The following SNX25 variants were observed in gnomAD, a reference collection of about 807,000 sequenced individuals.
SNX25 encodes the protein sorting nexin-25.
SNX25 carries 62 observed loss-of-function variants against 113.7 expected under a neutral mutation model. The ratio of observed to expected loss-of-function variants is 0.55; its 90% CI spans 0.44 to 0.67. SNX25 has a LOEUF of 0.67. SNX25 is among the 30% of genes least tolerant of loss of function. SNX25 has a pLI of 0.00. For synonymous variants in SNX25, 421 were observed against 436.2 expected (o/e 0.97, Z 0.43); for missense variants, 1,014 against 1,161.0 (o/e 0.87, Z 1.84).
intron 1 of SNX25, among the ~76,000 whole-genome samples, chr4:185,236,452 A>G (rs1347365051): frequency 6.6e-6 from 1 of 152,132 alleles, no homozygotes; most frequent in Non-Finnish European, 1.5e-5. Context: ...AAATCCACCT[A>G]TATATTTTAT....
At chr4:185,268,720 G>A (rs944136399) in intron 5 of SNX25, among the ~76,000 whole-genome samples, 3 of 152,180 alleles carry the variant, frequency 2.0e-5, no homozygotes, top group African/African-American at 7.2e-5. Context: ...TTTCTGATTC[G>A]AATAAAGCAC....
intron 6 of SNX25, among the ~76,000 whole-genome samples, chr4:185,308,518 C>G (rs183780176): frequency 9.8e-4 from 149 of 152,134 alleles, no homozygotes; most frequent in African/African-American, 3.5e-3. Flanking sequence ...GATGCTCACC[C>G]TCTTTCTTTC....
intron 1 of SNX25, among the ~76,000 whole-genome samples, chr4:185,226,526 C>T (rs1355332342): frequency 6.6e-6 from 1 of 152,246 alleles, no homozygotes; most frequent in East Asian, 1.9e-4. Context: ...TTATAGCTCA[C>T]TGTAGCCTTG....
chr4:185,285,551 T>C (rs187946001), intron 5 of SNX25, among the ~76,000 whole-genome samples: 51 of 152,338 alleles, frequency 3.3e-4, no homozygotes, highest in African/African-American at 1.2e-3. Context: ...AATTGCTGTG[T>C]GGAAGCACGT....
chr4:185,306,926 C>A (rs1329813173), intron 6 of SNX25, among the ~76,000 whole-genome samples: 1 of 152,100 alleles, frequency 6.6e-6, no homozygotes, highest in East Asian at 1.9e-4. Flanking sequence ...TTAGTGAGTT[C>A]TTTAGGCAGG....
At chr4:185,373,446 T>C (rs1193680342), downstream of SNX25, among the ~76,000 whole-genome samples, 1 of 152,108 alleles carries the variant, frequency 6.6e-6, no homozygotes, top group Non-Finnish European at 1.5e-5. Context: ...CCACTGATGC[T>C]AAGGGAGAGT....
chr4:185,302,731 G>A (rs893974128), intron 6 of SNX25, among the ~76,000 whole-genome samples: 24 of 152,178 alleles, frequency 1.6e-4, no homozygotes, highest in African/African-American at 5.5e-4. Context: ...TCTGTTGTTC[G>A]AAAGCCATGC....
rs1429844496 is a variant in SNX25 at position 185,341,989 on chromosome 4, A to G, written c.2060A>G (p.Asn687Ser). 1 of 1,601,440 alleles carries G rather than the reference A, an allele frequency of 6.2e-7. No individual in the cohort carries two copies. Among genetic ancestry groups the G allele is most frequent in the Non-Finnish European group, 8.5e-7 (1 of 1,175,816 alleles). ...GTTTTCCCCAAGGTTACAGAAGAGA[A>G]TGGTGAGCAATTGCCATGTTACTTT... ...SITSGEVTEE[N>S]GEQLPCYFVM... The change falls in exon 12 of 19, where the codon AAT (asparagine) becomes AGT (serine). Residue 687 changes from asparagine (N) to serine (S), a missense_variant. Asn to Ser is a conservative substitution (Grantham distance 46, BLOSUM62 1). Transcript: ENST00000652585.
upstream of SNX25, among the ~76,000 whole-genome samples, chr4:185,206,302 G>A (rs1737184778): frequency 6.6e-6 from 1 of 152,144 alleles, no homozygotes; most frequent in Admixed American, 6.5e-5. Flanking sequence ...ACATAAAATG[G>A]AATATTATTC....
chr4:185,364,608 A>G (rs981767561), downstream of SNX25: 1 of 152,228 alleles, frequency 6.6e-6, no homozygotes, highest in African/African-American at 2.4e-5. Context: ...TGAAAGATAA[A>G]TGATTAAAAA....
At chr4:185,254,790 AG>A (rs1218463809) in intron 2 of SNX25, among the ~76,000 whole-genome samples, 2 of 152,228 alleles carry the variant, frequency 1.3e-5, no homozygotes, top group African/African-American at 4.8e-5. Flanking sequence ...TTCTAAAACT[AG>A]ATATACTTGA....
intron 2 of SNX25, among the ~76,000 whole-genome samples, chr4:185,254,027 C>CT (rs562740112): frequency 2.0e-5 from 3 of 152,108 alleles, no homozygotes; most frequent in Non-Finnish European, 2.9e-5. Context: ...ATGTGGTAGT[C>CT]TTTTTTCCAA....
intron 2 of SNX25, among the ~76,000 whole-genome samples, chr4:185,254,881 G>A (rs1468714741): frequency 6.6e-6 from 1 of 151,932 alleles, no homozygotes; most frequent in Non-Finnish European, 1.5e-5. Flanking sequence ...GTGAGGATAA[G>A]TGTTCTTTCA....
intron 1 of SNX25, among the ~76,000 whole-genome samples, chr4:185,212,491 G>GTGTTTTTGTTTT (rs546083196): frequency 1.7e-4 from 18 of 104,942 alleles, no homozygotes; most frequent in South Asian, 3.1e-4. Flanking sequence ...GTGTGTGTGT[G>GTGTTTTTGTTTT]TTTTTTTTTT....
chr4:185,362,492 T>G (rs2095369506), intron 17 of SNX25, 119 bp from the exon 18 acceptor site: 1 of 1,179,148 alleles, frequency 8.5e-7, no homozygotes, highest in Non-Finnish European at 1.2e-6. Context: ...CCATTCATGT[T>G]TCTCATGCCT....
chr4:185,355,346 G>A (rs1055801145), intron 15 of SNX25, among the ~76,000 whole-genome samples: 1 of 152,188 alleles, frequency 6.6e-6, no homozygotes, highest in East Asian at 1.9e-4. Context: ...CTGAGCCAAA[G>A]CTAAGAGAAT....
At chr4:185,244,355 A>G (rs1274417077) in intron 1 of SNX25, among the ~76,000 whole-genome samples, 1 of 152,230 alleles carries the variant, frequency 6.6e-6, no homozygotes, top group Non-Finnish European at 1.5e-5. Flanking sequence ...TGTTCATTTA[A>G]CTATTTGCCA....
intron 8 of SNX25, among the ~76,000 whole-genome samples, chr4:185,322,861 T>TTC (rs1340055167): frequency 6.6e-6 from 1 of 152,260 alleles, no homozygotes; most frequent in Non-Finnish European, 1.5e-5. Flanking sequence ...GTTAAATTAG[T>TTC]TATGTTCATT....
At chr4:185,322,771 G>C (rs1157205305) in intron 8 of SNX25, among the ~76,000 whole-genome samples, 1 of 152,204 alleles carries the variant, frequency 6.6e-6, no homozygotes, top group Non-Finnish European at 1.5e-5. Context: ...TTTCAATGGA[G>C]TAAGAGCAGC....
Sources: allele counts gnomAD v4.1 joint callset (sites outside exome capture counted in the v4.1 genomes callset), GRCh38; gene constraint gnomAD v4.1.1; transcripts MANE v1.5; gene names NCBI Gene and HGNC (gene_info 2026-07-23, HGNC 2026-07-21).